Variants in NRXN3 observed in about 807,000 individuals in gnomAD.
NRXN3 encodes neurexin 3, also known as neurexin III.
In NRXN3, 32 loss-of-function variants were observed where a neutral mutation model predicts 137.6. The ratio of observed to expected loss-of-function variants is 0.23; its 90% CI spans 0.18 to 0.31. The LOEUF (loss-of-function observed/expected upper bound fraction) is 0.31. Among genes scored for constraint, NRXN3 ranks in the 10% least tolerant of loss-of-function variants. The probability of loss-of-function intolerance (pLI) is 1.00; values close to 1 mark genes in which losing one functional copy is unlikely to be tolerated. For synonymous variants in NRXN3, 798 were observed against 784.5 expected (o/e 1.02, Z -0.29); for missense variants, 1,574 against 2,062.5 (o/e 0.76, Z 4.59).
At chr14:79,773,088 A>G (rs2099084415) in intron 19 of NRXN3, among the ~76,000 whole-genome samples, 1 of 152,240 alleles carries the variant, frequency 6.6e-6, no homozygotes, top group South Asian at 2.1e-4. Flanking sequence ...ATACCATCTC[A>G]TACCAGTTAG....
chr14:78,597,573 T>C (rs1024575968), intron 4 of NRXN3, among the ~76,000 whole-genome samples: 3 of 152,186 alleles, frequency 2.0e-5, no homozygotes, highest in Admixed American at 1.3e-4. Flanking sequence ...TGCCATTCAA[T>C]AGTTTGACCT....
chr14:78,707,782 C>T (rs1032868942), intron 6 of NRXN3, among the ~76,000 whole-genome samples: 1 of 152,228 alleles, frequency 6.6e-6, no homozygotes, highest in Non-Finnish European at 1.5e-5. Flanking sequence ...TTAGCTCCCA[C>T]ATATCAGTGA....
intron 17 of NRXN3, among the ~76,000 whole-genome samples, chr14:79,665,946 C>G (rs577141574): frequency 1.3e-5 from 2 of 152,182 alleles, no homozygotes; most frequent in African/African-American, 4.8e-5. Context: ...TATTTCAGGA[C>G]AGGGTACAGT....
At chr14:78,951,583 C>T (rs2099387195) in intron 10 of NRXN3, among the ~76,000 whole-genome samples, 1 of 152,084 alleles carries the variant, frequency 6.6e-6, no homozygotes, top group Non-Finnish European at 1.5e-5. Context: ...ATAGGGTTGA[C>T]AGAACTCAAC....
At chr14:79,122,227 G>T (rs1219570313) in intron 15 of NRXN3, among the ~76,000 whole-genome samples, 2 of 152,192 alleles carry the variant, frequency 1.3e-5, no homozygotes, top group Admixed American at 1.3e-4. Flanking sequence ...TGGGGCACTG[G>T]TTAAGGAAAC....
intron 19 of NRXN3, among the ~76,000 whole-genome samples, chr14:79,786,596 T>G (rs2099130131): frequency 6.6e-6 from 1 of 152,200 alleles, no homozygotes; most frequent in South Asian, 2.1e-4. Flanking sequence ...TAAAAGTGTT[T>G]AGAGACTGCC....
intron 17 of NRXN3, among the ~76,000 whole-genome samples, chr14:79,667,998 TG>T (rs1256993360): frequency 6.6e-6 from 1 of 152,002 alleles, no homozygotes; most frequent in African/African-American, 2.4e-5. Context: ...TCCTGGGACA[TG>T]CAGACTGATA....
chr14:79,714,304 T>A (rs1478126981), intron 19 of NRXN3, among the ~76,000 whole-genome samples: 3 of 152,188 alleles, frequency 2.0e-5, no homozygotes, highest in Non-Finnish European at 4.4e-5. Flanking sequence ...TTTACTTCCA[T>A]TGAAGGAGAG....
intron 4 of NRXN3, among the ~76,000 whole-genome samples, chr14:78,593,282 G>T (rs1184152355): frequency 6.6e-6 from 1 of 152,166 alleles, no homozygotes; most frequent in East Asian, 1.9e-4. Flanking sequence ...AGCTCTACCT[G>T]GAGGAAAAAC....
intron 4 of NRXN3, among the ~76,000 whole-genome samples, chr14:78,523,341 T>C (rs953157188): frequency 6.6e-6 from 1 of 152,202 alleles, no homozygotes; most frequent in Non-Finnish European, 1.5e-5. Flanking sequence ...GAGAAATTAG[T>C]GTCTGCCTTA....
At chr14:79,134,369 G>C (rs1248586289) in intron 15 of NRXN3, among the ~76,000 whole-genome samples, 2 of 152,144 alleles carry the variant, frequency 1.3e-5, no homozygotes, top group African/African-American at 4.8e-5. Context: ...TAGGAAACTT[G>C]AACGAAGACA....
At chr14:78,487,753 A>C (rs2095588600) in intron 4 of NRXN3, among the ~76,000 whole-genome samples, 1 of 99,504 alleles carries the variant, frequency 1.0e-5, no homozygotes, top group Admixed American at 8.7e-5. Context: ...ATAAATAAAT[A>C]AATAAATAAA....
intron 19 of NRXN3, among the ~76,000 whole-genome samples, chr14:79,776,094 A>G (rs2099096257): frequency 6.6e-6 from 1 of 152,230 alleles, no homozygotes; most frequent in Non-Finnish European, 1.5e-5. Context: ...AAACGTTGGC[A>G]TCATCCTTCA....
chr14:79,524,379 G>A (rs2097098868), intron 16 of NRXN3, among the ~76,000 whole-genome samples: 1 of 152,088 alleles, frequency 6.6e-6, no homozygotes, highest in Non-Finnish European at 1.5e-5. Flanking sequence ...CTTTTTCTAA[G>A]TGGACCTTAC....
chr14:79,322,462 C>T (rs985838706), intron 15 of NRXN3, among the ~76,000 whole-genome samples: 2 of 152,150 alleles, frequency 1.3e-5, no homozygotes, highest in South Asian at 2.1e-4. Context: ...TCTTGAAGAC[C>T]TCCTCTATGC....
At chr14:78,484,282 G>A (rs562106263) in intron 4 of NRXN3, among the ~76,000 whole-genome samples, 25 of 152,214 alleles carry the variant, frequency 1.6e-4, no homozygotes, top group African/African-American at 6.0e-4. Context: ...GGTTCTAGTG[G>A]GGACGCTTAG....
rs561137913 is a variant in NRXN3 at position 79,406,916 on chromosome 14, T to C, written c.3263-60305T>C. 2.0e-5 allele frequency among the ~76,000 whole-genome samples: 3 copies of C among 152,300 alleles called. No individual in the cohort carries two copies. The South Asian group carries it at 6.2e-4, about 32-fold the overall frequency. ...AGTATTACTACAGCATATGGGACTT[T>C]TGCTGTAGATTAATAATGCCATGAT... is the stretch of plus-strand genomic sequence containing the variant. On this transcript the variant is annotated intron_variant, in intron 15 of 20. Coordinates refer to ENST00000335750, the MANE Select transcript of NRXN3 (RefSeq NM_001330195.2).
chr14:78,796,053 T>C (rs2098820661), intron 8 of NRXN3, among the ~76,000 whole-genome samples: 1 of 152,178 alleles, frequency 6.6e-6, no homozygotes, highest in Non-Finnish European at 1.5e-5. Flanking sequence ...TACTGGTGCC[T>C]CTCATTTTCC....
At chr14:78,230,625 A>G (rs1444175300) in intron 1 of NRXN3, among the ~76,000 whole-genome samples, 1 of 152,124 alleles carries the variant, frequency 6.6e-6, no homozygotes, top group Non-Finnish European at 1.5e-5. Context: ...GAAGGTTTGA[A>G]GAAGGGCATT....
Sources: allele counts gnomAD v4.1 joint callset (sites outside exome capture counted in the v4.1 genomes callset), GRCh38; gene constraint gnomAD v4.1.1; transcripts MANE v1.5; gene names NCBI Gene and HGNC (gene_info 2026-07-23, HGNC 2026-07-21).